The following PPM1L variants were observed in gnomAD, a reference collection of about 807,000 sequenced individuals.
PPM1L encodes protein phosphatase 1L.
Under a neutral mutation model 31.4 loss-of-function variants are expected in PPM1L, and 13 were observed. That is an observed-to-expected ratio of 0.41 (90% CI 0.27 to 0.66). The LOEUF is 0.66. Ranked by LOEUF, PPM1L falls within the 30% of genes least tolerant of loss-of-function variation. The pLI, the probability that PPM1L is intolerant of heterozygous loss-of-function variation, is 0.29. For missense variants in PPM1L, 326 were observed against 453.7 expected, an observed-to-expected ratio of 0.72 and a Z score of 2.56; for synonymous variants, 184 against 175.4, an observed-to-expected ratio of 1.05 and a Z score of -0.39.
At chr3:160,851,331 C>T (rs1214484173) in intron 1 of PPM1L, among the ~76,000 whole-genome samples, 1 of 152,144 alleles carries the variant, frequency 6.6e-6, no homozygotes, top group Non-Finnish European at 1.5e-5. Flanking sequence ...GGCACCAAAT[C>T]AGTGATTCTA....
chr3:160,966,356 G>A (rs572110536), intron 2 of PPM1L, among the ~76,000 whole-genome samples: 3 of 152,168 alleles, frequency 2.0e-5, no homozygotes, highest in African/African-American at 7.2e-5. Flanking sequence ...TCTTACTATT[G>A]TAAACACTTT....
chr3:160,798,318 A>G (rs1712321443), intron 1 of PPM1L, among the ~76,000 whole-genome samples: 1 of 152,244 alleles, frequency 6.6e-6, no homozygotes, highest in South Asian at 2.1e-4. Flanking sequence ...CTGGAGGAAG[A>G]TGCCATCTAA....
In PPM1L at chr3:160,979,682, C is replaced by T. The variant is rs1413503388; in HGVS notation, c.574+17772C>T. ...TTGAGGAAGGAGACTTACTTTTTCA[C>T]TGAGTACTCTTACTATATTGTCTGA... On this transcript the variant is annotated intron_variant, in intron 2 of 3. Coordinates refer to ENST00000498165, the MANE Select transcript of PPM1L (RefSeq NM_139245.4). Among the ~76,000 whole-genome samples the T allele has an allele frequency of 2.0e-5, 3 of 152,084 alleles. 1 individual carries two copies. Among genetic ancestry groups the T allele is most frequent in the Non-Finnish European group, 4.4e-5 (3 of 68,002 alleles).
At chr3:160,939,493 G>A (rs1377262097) in intron 1 of PPM1L, among the ~76,000 whole-genome samples, 1 of 152,102 alleles carries the variant, frequency 6.6e-6, no homozygotes, top group Admixed American at 6.5e-5. Flanking sequence ...GTATCTCCCA[G>A]AATTCCCACG....
intron 2 of PPM1L, among the ~76,000 whole-genome samples, chr3:161,043,680 A>G (rs1262893208): frequency 1.3e-5 from 2 of 152,194 alleles, no homozygotes; most frequent in East Asian, 3.8e-4. Context: ...TGATGAATTA[A>G]AATAAGTAAT....
intron 1 of PPM1L, among the ~76,000 whole-genome samples, chr3:160,796,786 T>A (rs1419697846): frequency 3.9e-5 from 6 of 152,106 alleles, no homozygotes; most frequent in Non-Finnish European, 7.4e-5. Context: ...AGGGTAAGAG[T>A]ATGGAATAAA....
At chr3:160,879,258 A>G (rs1712622491) in intron 1 of PPM1L, among the ~76,000 whole-genome samples, 1 of 152,110 alleles carries the variant, frequency 6.6e-6, no homozygotes. Context: ...ATTTGGGGGA[A>G]ATATTTTATA....
intron 1 of PPM1L, 136 bp from the exon 2 acceptor site, chr3:160,961,600 G>T (rs1199352149): frequency 5.1e-6 from 3 of 587,880 alleles, no homozygotes; most frequent in Non-Finnish European, 8.1e-6. Context: ...TAAAAATGAC[G>T]ATGACAAGGA....
At chr3:161,022,681 T>C (rs1260381410) in intron 2 of PPM1L, among the ~76,000 whole-genome samples, 1 of 107,836 alleles carries the variant, frequency 9.3e-6, no homozygotes, top group Non-Finnish European at 1.8e-5. Context: ...TTTTTTTTTT[T>C]GAGATGGAGT....
intron 1 of PPM1L, among the ~76,000 whole-genome samples, chr3:160,833,530 G>A (rs1713588643): frequency 6.6e-6 from 1 of 152,120 alleles, no homozygotes; most frequent in Non-Finnish European, 1.5e-5. Context: ...CTAATGATCA[G>A]TGATGTTGAG....
At chr3:160,825,291 A>G (rs1713320185) in intron 1 of PPM1L, among the ~76,000 whole-genome samples, 2 of 152,174 alleles carry the variant, frequency 1.3e-5, no homozygotes, top group Admixed American at 1.3e-4. Flanking sequence ...TCTGTCAATA[A>G]CAATATTATT....
intron 2 of PPM1L, chr3:161,036,045 G>A (rs1718731887): frequency 6.6e-6 from 1 of 152,110 alleles, no homozygotes; most frequent in Non-Finnish European, 1.5e-5. Context: ...TCCTAAGAAA[G>A]AAAAGATCAG....
chr3:160,907,467 G>A (rs892936265), intron 1 of PPM1L, among the ~76,000 whole-genome samples: 1 of 152,026 alleles, frequency 6.6e-6, no homozygotes, highest in African/African-American at 2.4e-5. Flanking sequence ...AAAAATTTAT[G>A]TGCATACATT....
intron 1 of PPM1L, among the ~76,000 whole-genome samples, chr3:160,768,758 A>G (rs964192089): frequency 1.3e-5 from 2 of 152,130 alleles, no homozygotes; most frequent in Admixed American, 6.5e-5. Context: ...TTTGGTTGCA[A>G]GTGACAGAAA....
At chr3:161,015,857 C>G (rs965945875) in intron 2 of PPM1L, among the ~76,000 whole-genome samples, 1 of 152,156 alleles carries the variant, frequency 6.6e-6, no homozygotes, top group East Asian at 1.9e-4. Flanking sequence ...AGCCTTGTGA[C>G]TTACCCCTAG....
At chr3:160,883,455 C>G (rs903792897) in intron 1 of PPM1L, among the ~76,000 whole-genome samples, 1 of 152,060 alleles carries the variant, frequency 6.6e-6, no homozygotes, top group South Asian at 2.1e-4. Flanking sequence ...GCTACATTTT[C>G]CCGTAAAGTC....
intron 2 of PPM1L, among the ~76,000 whole-genome samples, chr3:161,048,241 G>GA (rs1341027407): frequency 1.3e-5 from 2 of 151,766 alleles, no homozygotes; most frequent in Non-Finnish European, 2.9e-5. Flanking sequence ...AAATTTACAA[G>GA]AAAAAACCCC....
At chr3:160,843,195 T>C (rs1413842086) in intron 1 of PPM1L, among the ~76,000 whole-genome samples, 1 of 151,630 alleles carries the variant, frequency 6.6e-6, no homozygotes, top group Non-Finnish European at 1.5e-5. Flanking sequence ...ACTGATAGGA[T>C]TTAGACTTTT....
chr3:160,842,025 T>C (rs540536529), intron 1 of PPM1L, among the ~76,000 whole-genome samples: 2 of 152,318 alleles, frequency 1.3e-5, no homozygotes, highest in Admixed American at 6.5e-5. Flanking sequence ...AGGTAACTTA[T>C]ATATTTGAGG....
Sources: gnomAD v4.1 joint callset for allele counts (sites outside exome capture counted in the v4.1 genomes callset) on GRCh38, gnomAD v4.1.1 for gene constraint, MANE v1.5 for transcripts, NCBI Gene and HGNC (gene_info 2026-07-23, HGNC 2026-07-21) for gene names.